Variants in TAPBPL observed in about 807,000 individuals in gnomAD.
TAPBPL encodes TAP binding protein like.
TAPBPL carries 32 observed loss-of-function variants against 44.8 expected under a neutral mutation model. The ratio of observed to expected loss-of-function variants is 0.71; its 90% CI spans 0.54 to 0.96. TAPBPL has a LOEUF of 0.96. TAPBPL is among the 40% of genes least tolerant of loss of function. The probability of loss-of-function intolerance (pLI) is 0.00; values close to 1 mark genes in which losing one functional copy is unlikely to be tolerated. For synonymous variants in TAPBPL, 230 were observed against 240.7 expected, an observed-to-expected ratio of 0.96 and a Z score of 0.41; for missense variants, 520 against 586.6, an observed-to-expected ratio of 0.89 and a Z score of 1.17.
the TAPBPL span, among the ~76,000 whole-genome samples, chr12:6,471,637 G>T: frequency 0.016 from 2,382 of 152,260 alleles, 63 homozygotes; most frequent in African/African-American, 0.055. This position sits in a 1 kb window ranked among gnomAD's most constrained non-coding sequence, Gnocchi z 4.0. Flanking sequence ...AGACCAGCCT[G>T]GCCAACATGG....
At position 6,458,953 on chromosome 12, in the gene TAPBPL, G is replaced by A; in HGVS notation, c.1207+6G>A. The A allele has an allele frequency of 3.1e-6, 5 of 1,611,022 alleles. No individual in the cohort carries two copies. Among genetic ancestry groups the A allele is most frequent in the Non-Finnish European group, 4.2e-6 (5 of 1,177,788 alleles). ...CACCCAGGTTGTCCCACCAGGTACT[G>A]GGAGTGTCCTCCTTTTCCCCACCTC... On this transcript the variant is annotated splice_donor_region_variant and intron_variant, in intron 5 of 6. Coordinates refer to ENST00000266556, the MANE Select transcript of TAPBPL (RefSeq NM_018009.5).
intron 3 of TAPBPL, among the ~76,000 whole-genome samples, chr12:6,455,751 G>C (rs1483953275): frequency 6.8e-6 from 1 of 147,380 alleles, no homozygotes; most frequent in African/African-American, 2.5e-5. Context: ...GCAACATAGA[G>C]AGCGAGACCC....
At position 6,460,798 on chromosome 12, in the gene TAPBPL, G is replaced by A. The variant is rs1949836043; in HGVS notation, c.1208-57G>A. On this transcript the variant is annotated intron_variant, in intron 5 of 6. Transcript: ENST00000266556. ...CCTGGGGTGGACACTGCAGGTGAGGGCTCAGCTCATGATTCCTGCGCACGA... is the reference window on the plus strand; with the variant it reads ...CCTGGGGTGGACACTGCAGGTGAGGACTCAGCTCATGATTCCTGCGCACGA... The A allele has an allele frequency of 1.9e-6, 3 of 1,567,898 alleles. No homozygotes were observed. In the East Asian group the frequency reaches 6.7e-5, roughly 35 times the overall value.
chr12:6,462,962 G>C, downstream of TAPBPL: 2 of 1,553,098 alleles, frequency 1.3e-6, no homozygotes, highest in Non-Finnish European at 1.7e-6. Flanking sequence ...CATGGCCTCA[G>C]CCTCTTCCTG....
downstream of TAPBPL, chr12:6,470,724 C>T: frequency 1.5e-6 from 1 of 681,894 alleles, no homozygotes; most frequent in Non-Finnish European, 2.5e-6. Flanking sequence ...GACCACGCCT[C>T]CCGGATAACG....
At chr12:6,470,423 G>A, downstream of TAPBPL, 1 of 1,543,244 alleles carries the variant, frequency 6.5e-7, no homozygotes, top group Non-Finnish European at 8.9e-7. Flanking sequence ...GTAGTTCCCC[G>A]CGTTGCTGCA....
downstream of TAPBPL, among the ~76,000 whole-genome samples, chr12:6,469,920 G>A (rs2137015853): frequency 6.6e-6 from 1 of 152,256 alleles, no homozygotes; most frequent in South Asian, 2.1e-4. Flanking sequence ...GCCTTGGTAT[G>A]AACAGCCGCT....
chr12:6,461,996 TG>T, intron 6 of TAPBPL, 37 bp from the exon 7 acceptor site: 2 of 1,565,000 alleles, frequency 1.3e-6, no homozygotes, highest in Non-Finnish European at 1.8e-6. Context: ...CAGTGTGAGA[TG>T]CCCACGCAAC....
At chr12:6,464,071 G>T, downstream of TAPBPL, 2 of 1,301,308 alleles carry the variant, frequency 1.5e-6, no homozygotes, top group Middle Eastern at 4.2e-4. Context: ...CCTACCAGTG[G>T]CCAGGTTTTC....
At chr12:6,470,689 G>T, downstream of TAPBPL, 2 of 884,320 alleles carry the variant, frequency 2.3e-6, no homozygotes, top group South Asian at 1.5e-5. Context: ...CAGCTGCCGC[G>T]CCGGCCTCCG....
downstream of TAPBPL, chr12:6,462,460 T>C (rs1949900247): frequency 2.0e-6 from 1 of 494,344 alleles, no homozygotes; most frequent in African/African-American, 1.9e-5. Context: ...CAGCTTCATT[T>C]GACTGCAAAG....
intron 5 of TAPBPL, among the ~76,000 whole-genome samples, chr12:6,459,300 G>A (rs1949782848): frequency 6.6e-6 from 1 of 152,206 alleles, no homozygotes; most frequent in Non-Finnish European, 1.5e-5. Flanking sequence ...CTAGCTTAGA[G>A]GGAAGGGAAC....
Position 6,457,522 on chromosome 12 carries a change from C to T in TAPBPL, c.682C>T (p.Arg228Ter), listed in dbSNP as rs541269313. The T allele has an allele frequency of 5.0e-5, 80 of 1,614,208 alleles. 1 individual carries two copies. The South Asian group carries it at 7.4e-4, about 15-fold the overall frequency. ...CTTGGACCTCATCAGTGTGGAGTGG[C>T]GACTGCAGCACAAGGGCAGGGGTCA... ...PGLDLISVEWRLQHKGRGQLV... is the reference protein window; with the variant it reads ...PGLDLISVEW Residue 228 changes from arginine to a stop codon, truncating the protein, a stop_gained, in exon 4 of 7, where the codon CGA (arginine) becomes TGA (stop). Coordinates refer to ENST00000266556, the MANE Select transcript of TAPBPL (RefSeq NM_018009.5). LOFTEE classifies it high-confidence loss of function.
At chr12:6,461,337 AG>A (rs1183239797) in intron 6 of TAPBPL, 1 of 1,032,984 alleles carries the variant, frequency 9.7e-7, no homozygotes, top group Non-Finnish European at 1.2e-6. Flanking sequence ...GGAAGAAGTG[AG>A]GGGACAAGAA....
downstream of TAPBPL, chr12:6,465,388 A>ATATATATATACATGTATATATATG (rs1491122233): frequency 3.8e-4 from 29 of 75,522 alleles, 1 homozygote; most frequent in Admixed American, 3.6e-3. Flanking sequence ...ATATATATGT[A>ATATATATATACATGTATATATATG]TATATATATA....
chr12:6,465,398 AT>A (rs1277019606), downstream of TAPBPL: 5 of 106,966 alleles, frequency 4.7e-5, no homozygotes, highest in East Asian at 2.9e-4. Context: ...ATATATATAT[AT>A]AAATGTATAT....
chr12:6,460,752 C>A, intron 5 of TAPBPL, 103 bp from the exon 6 acceptor site: 2 of 1,127,770 alleles, frequency 1.8e-6, no homozygotes, highest in Non-Finnish European at 1.3e-6. Flanking sequence ...GACTCACACA[C>A]ACAATCCTTA....
chr12:6,464,596 T>C (rs555885574), downstream of TAPBPL: 52 of 1,459,308 alleles, frequency 3.6e-5, no homozygotes, highest in Admixed American at 1.4e-4. Context: ...CATTGTTAAG[T>C]GCCCCATCCC....
Position 6,457,662 on chromosome 12 carries a change from T to C in TAPBPL, c.822T>C (p.Thr274=). 6.2e-7 allele frequency: 1 copy of C among 1,614,130 alleles called. No homozygotes were observed. The highest frequency in any genetic ancestry group is 8.5e-7 in the Non-Finnish European group (1 of 1,180,002). ...CCTCCCTCACCCTGCCCGGCCTCACTATACAGGACGAGGGGACCTACATTT... is the reference window on the plus strand; with the variant it reads ...CCTCCCTCACCCTGCCCGGCCTCACCATACAGGACGAGGGGACCTACATTT... ...RDASLTLPGL[T]IQDEGTYICQ... Residue 274 remains threonine, a synonymous_variant, in exon 4 of 7, where the codon ACT becomes ACC. Transcript: ENST00000266556.
Sources: allele counts gnomAD v4.1 joint callset (sites outside exome capture counted in the v4.1 genomes callset), GRCh38; gene constraint gnomAD v4.1.1; non-coding constraint Gnocchi (gnomAD v3.1); transcripts MANE v1.5; gene names NCBI Gene and HGNC (gene_info 2026-07-23, HGNC 2026-07-21).